The following NBPF10 variants were observed in gnomAD, a reference collection of about 807,000 sequenced individuals.
The protein encoded by NBPF10 is NBPF member 10, also known as NBPF family member NBPF10.
A neutral mutation model predicts 77.9 loss-of-function variants in NBPF10; 63 were observed. That is an observed-to-expected ratio of 0.81 (90% confidence interval 0.66 to 1.00). The LOEUF is 1.00. Among genes scored for constraint, NBPF10 ranks in the 50% least tolerant of loss-of-function variants. The probability of loss-of-function intolerance (pLI) is 0.00; values close to 1 mark genes in which losing one functional copy is unlikely to be tolerated. For synonymous variants in NBPF10, 146 were observed against 264.5 expected, an observed-to-expected ratio of 0.55 and a Z score of 4.35; for missense variants, 522 against 679.8, an observed-to-expected ratio of 0.77 and a Z score of 2.58.
At chr1:146,125,432 C>G (rs201062281) in intron 15 of NBPF10, 33 bp downstream of exon 15, 1 of 348,488 alleles carries the variant, frequency 2.9e-6, no homozygotes, top group Non-Finnish European at 5.0e-6. Flanking sequence ...GGTGTCAACA[C>G]AGAATTAAGC....
intron 5 of NBPF10, among the ~76,000 whole-genome samples, chr1:146,139,185 C>T (rs1453993219): frequency 2.7e-5 from 4 of 147,058 alleles, no homozygotes; most frequent in East Asian, 2.0e-4. Context: ...CTGCAAGCTC[C>T]GGTTCCTGGG....
intron 1 of NBPF10, 77 bp from the exon 2 acceptor site, chr1:146,142,829 C>G: frequency 1.3e-6 from 1 of 744,440 alleles, no homozygotes; most frequent in East Asian, 3.1e-5. Flanking sequence ...GGGCAGGAGC[C>G]AGGTCCATCC....
intron 15 of NBPF10, 121 bp downstream of exon 15, chr1:146,125,344 G>T: frequency 3.7e-6 from 1 of 273,842 alleles, no homozygotes; most frequent in South Asian, 2.5e-5. Flanking sequence ...CAACAGCAAT[G>T]TCAGTAGGAG....
In NBPF10 at chr1:146,067,853, A is replaced by G. The variant is rs1553778346; in HGVS notation, c.11035+150T>C. 4.3e-6 allele frequency: 3 copies of G among 698,998 alleles called. No homozygotes were observed. The African/African-American group carries it at 5.3e-5, about 12-fold the overall frequency. The allele number at this position is 698,998 out of a possible 1,614,324, so 43.3% of individuals were successfully genotyped here. ...TTTCATGTCTAGGCTTCCAGCTGAG[A>G]CTACAGTTTCATTACAACCTATATG... On this transcript the variant is annotated intron_variant, in intron 88 of 89. Transcript: ENST00000583866.
At chr1:146,140,367 A>G in intron 4 of NBPF10, 117 bp downstream of exon 4, 1 of 901,278 alleles carries the variant, frequency 1.1e-6, no homozygotes, top group African/African-American at 1.6e-5. Context: ...TCAATTTCAC[A>G]TACTGTGGCC....
intron 7 of NBPF10, 137 bp downstream of exon 7, chr1:146,136,216 T>G (rs1468093866): frequency 2.7e-5 from 22 of 801,734 alleles, no homozygotes; most frequent in Non-Finnish European, 1.0e-5. Flanking sequence ...TGATAAATAT[T>G]TGTGTGTAGC....
In NBPF10 at chr1:146,126,634, C is replaced by CAT. The variant is rs1253896817; in HGVS notation, c.1854-227_1854-226insAT. On this transcript the variant is annotated intron_variant, in intron 13 of 89. Transcript: ENST00000583866. ...ACACACACACACACACACACACACA[C>CAT]AGAGCGAGCTCAGTCAATTGGTCAG... Among the ~76,000 whole-genome samples the CAT allele has an allele frequency of 1.2e-3, 156 of 135,222 alleles. 3 individuals carry two copies. The highest frequency in any genetic ancestry group is 3.6e-3 in the African/African-American group (137 of 38,540). 88.7% of individuals were successfully genotyped at this position (135,222 alleles called of 152,430 possible). A position where few individuals can be genotyped will look rare whatever the true frequency, so the allele number is the denominator to read the frequency against.
In NBPF10 at chr1:146,126,143, T is replaced by C. The variant is rs1658602023; in HGVS notation, c.2026+93A>G. On this transcript the variant is annotated intron_variant, in intron 14 of 89. Coordinates refer to ENST00000583866, the Ensembl canonical transcript of NBPF10. ...ATAGGTCCTCCCTGTGGCAATGACA[T>C]CTCTCAGCTCAGTAACGGCCACTTG... is the stretch of plus-strand genomic sequence containing the variant. 3.6e-6 allele frequency: 3 copies of C among 823,552 alleles called. No individual in the cohort carries two copies. In the African/African-American group the frequency reaches 5.0e-5, roughly 14 times the overall value. 51.0% of individuals were successfully genotyped at this position (823,552 alleles called of 1,614,324 possible). A position where few individuals can be genotyped will look rare whatever the true frequency, so the allele number is the denominator to read the frequency against.
In NBPF10 at chr1:146,126,015, C is replaced by A. The variant is rs1226758377; in HGVS notation, c.2026+221G>T. Among the ~76,000 whole-genome samples the A allele has an allele frequency of 2.3e-4, 35 of 151,716 alleles. 1 individual carries two copies. Among genetic ancestry groups the A allele is most frequent in the Non-Finnish European group, 3.8e-4 (26 of 67,888 alleles). Reference sequence around the variant, plus strand: ...ACATCTTGAGAGTAGGATTATGGTGCCACAGGCATGGCCTGAGACTAGGAA... The same window carrying A: ...ACATCTTGAGAGTAGGATTATGGTGACACAGGCATGGCCTGAGACTAGGAA... On this transcript the variant is annotated intron_variant, in intron 14 of 89. Transcript: ENST00000583866.
In NBPF10 at chr1:146,069,719, G is replaced by C; in HGVS notation, c.10638-4C>G. On this transcript the variant is annotated splice_region_variant and splice_polypyrimidine_tract_variant and intron_variant, in intron 85 of 89. Coordinates refer to ENST00000583866, the Ensembl canonical transcript of NBPF10. ...ATCCAGCAGCTCCCTGCTGAGCCTG[G>C]AAAAGTGGGAAAAAGTAAAGAATAA... 1.3e-6 allele frequency: 1 copy of C among 771,902 alleles called. No homozygotes were observed. Among genetic ancestry groups the C allele is most frequent in the South Asian group, 1.3e-5 (1 of 74,634 alleles). 47.8% of individuals were successfully genotyped at this position (771,902 alleles called of 1,614,324 possible).
chr1:146,139,425 T>A (rs1404368652), intron 5 of NBPF10, among the ~76,000 whole-genome samples: 4 of 151,298 alleles, frequency 2.6e-5, no homozygotes, highest in Non-Finnish European at 5.9e-5. Flanking sequence ...TATTAATAGC[T>A]AAGACAAGCC....
chr1:146,126,284 A>C, exon 14 of NBPF10: 3 of 1,605,880 alleles, frequency 1.9e-6, no homozygotes, highest in Non-Finnish European at 2.6e-6. Flanking sequence ...AATATGTAAA[A>C]GGCACTTCTG....
chr1:146,122,586 A>G lies in NBPF10; in HGVS notation c.2477-195T>C. ...GGTTTTTCTCCCAGAAACTGTGGGT[A>G]AAGTGTCCCTATTCTAGTAGATCGT... is the stretch of plus-strand genomic sequence containing the variant. On this transcript the variant is annotated intron_variant, in intron 18 of 89. Transcript: ENST00000583866. 9.5e-5 allele frequency among the ~76,000 whole-genome samples: 2 copies of G among 20,956 alleles called. 1 individual carries two copies. The highest frequency in any genetic ancestry group is 0.018 in the Middle Eastern group (2 of 114). 13.7% of individuals were successfully genotyped at this position (20,956 alleles called of 152,430 possible).
chr1:146,121,966 C>A (rs1658231207), intron 19 of NBPF10, among the ~76,000 whole-genome samples: 11 of 129,184 alleles, frequency 8.5e-5, no homozygotes, highest in Non-Finnish European at 1.8e-4. Context: ...TGAGTTAGTG[C>A]CCTCATGACA....
At chr1:146,109,345 C>CAGAG (rs782284106) in intron 35 of NBPF10, among the ~76,000 whole-genome samples, 34 of 63,550 alleles carry the variant, frequency 5.4e-4, no homozygotes, top group African/African-American at 8.3e-4. Flanking sequence ...CACACACACA[C>CAGAG]AGAGAGAGAG....
At chr1:146,109,311 G>C (rs1490634049) in intron 35 of NBPF10, among the ~76,000 whole-genome samples, 197 bp from the exon 36 acceptor site, 986 of 86,484 alleles carry the variant, frequency 0.011, no homozygotes, top group African/African-American at 0.038. Context: ...AAGACAGATA[G>C]ACACACACAC....
At chr1:146,127,969 C>G in intron 12 of NBPF10, 150 bp downstream of exon 12, 2 of 1,457,874 alleles carry the variant, frequency 1.4e-6, no homozygotes, top group East Asian at 2.3e-5. Context: ...TCAGACTTGA[C>G]TCCAGAGTGA....
Position 146,069,233 on chromosome 1 carries a change from A to G in NBPF10, c.10810+310T>C, listed in dbSNP as rs1297756291. Among the ~76,000 whole-genome samples the G allele has an allele frequency of 2.3e-5, 2 of 85,712 alleles. 1 individual carries two copies. Among genetic ancestry groups the G allele is most frequent in the African/African-American group, 1.1e-4 (2 of 18,564 alleles). The allele number at this position is 85,712 out of a possible 152,430, so 56.2% of individuals were successfully genotyped here. A position where few individuals can be genotyped will look rare whatever the true frequency, so the allele number is the denominator to read the frequency against. On this transcript the variant is annotated intron_variant, in intron 86 of 89. Coordinates refer to ENST00000583866, the Ensembl canonical transcript of NBPF10. ...GAAATTAGAGTGAAGGATGAAATCT[A>G]CAAGATCTACAAAATTGAGACAAAA...
intron 88 of NBPF10, among the ~76,000 whole-genome samples, chr1:146,067,539 C>T (rs1338794577): frequency 1.1e-4 from 16 of 149,814 alleles, no homozygotes; most frequent in African/African-American, 3.7e-4. Context: ...CAAGTTTGTG[C>T]AAACAGTTAC....
Sources: gnomAD v4.1 joint callset for allele counts (sites outside exome capture counted in the v4.1 genomes callset) on GRCh38, gnomAD v4.1.1 for gene constraint, MANE v1.5 for transcripts, NCBI Gene and HGNC (gene_info 2026-07-23, HGNC 2026-07-21) for gene names.